The following ATAD3B variants were observed in gnomAD, a reference collection of about 807,000 sequenced individuals.
The protein encoded by ATAD3B is ATPase family AAA domain containing 3B, also known as ATPase family AAA domain-containing protein 3B.
A neutral mutation model predicts 70.2 loss-of-function variants in ATAD3B; 59 were observed. The observed-to-expected ratio is 0.84, with a 90% CI of 0.68 to 1.04. The LOEUF (loss-of-function observed/expected upper bound fraction) is 1.04, where lower values mean the gene tolerates loss of function less well. Among genes scored for constraint, ATAD3B ranks in the 50% least tolerant of loss-of-function variants. The probability of loss-of-function intolerance (pLI) is 0.00; values close to 1 mark genes in which losing one functional copy is unlikely to be tolerated. For synonymous variants in ATAD3B, 423 were observed against 388.6 expected (o/e 1.09, Z -1.04); for missense variants, 961 against 913.4 (o/e 1.05, Z -0.67).
At chr1:1,474,122 C>G (rs746148140) in intron 1 of ATAD3B, among the ~76,000 whole-genome samples, 1 of 152,040 alleles carries the variant, frequency 6.6e-6, no homozygotes, top group African/African-American at 2.4e-5. Flanking sequence ...TGGGTAAAAG[C>G]CGTCCAACCG....
intron 10 of ATAD3B, 94 bp downstream of exon 10, chr1:1,486,329 C>A (rs1359565756): frequency 1.3e-6 from 2 of 1,598,304 alleles, no homozygotes; most frequent in East Asian, 4.5e-5. Context: ...GGGAATGGAC[C>A]CCCCTTAGGC....
Position 1,496,201 on chromosome 1 carries a change from C to A in ATAD3B, c.*384C>A. ...ATCTAATAAAGTCCCACAGGTGCCT[C>A]ACCGCCGTGTCTCTCTATTGACTGA... On this transcript the variant is annotated 3_prime_UTR_variant, in exon 16 of 16. Coordinates refer to ENST00000673477, the MANE Select transcript of ATAD3B (RefSeq NM_031921.6). The A allele has an allele frequency of 1.3e-5, 13 of 1,017,576 alleles. No homozygotes were observed. Among genetic ancestry groups the A allele is most frequent in the Non-Finnish European group, 1.5e-5 (13 of 850,668 alleles). 63.0% of individuals were successfully genotyped at this position (1,017,576 alleles called of 1,614,324 possible).
downstream of ATAD3B, among the ~76,000 whole-genome samples, chr1:1,501,176 C>T (rs1175213295): frequency 6.6e-6 from 1 of 152,090 alleles, no homozygotes. Context: ...GCAACCTCCA[C>T]CTCCTGAGTT....
At position 1,490,605 on chromosome 1, in the gene ATAD3B, G is replaced by C. The variant is rs760231471; in HGVS notation, c.1548G>C (p.Ser516=). The C allele has an allele frequency of 1.2e-6, 2 of 1,609,018 alleles. No homozygotes were observed. The highest frequency in any genetic ancestry group is 1.7e-5 in the Admixed American group (1 of 59,024). ...AGTTTGACTACGGGAGGAAGTGCTC[G>C]GAGGTCGCTCGGCTGACGGAGGGCA... The part of the protein sequence containing the change: ...LAQFDYGRKC[S]EVARLTEGMS... The change falls in exon 15 of 16, where the codon TCG becomes TCC. Residue 516 remains serine (S), a synonymous_variant. Coordinates refer to ENST00000673477, the MANE Select transcript of ATAD3B (RefSeq NM_031921.6).
the ATAD3B span, among the ~76,000 whole-genome samples, chr1:1,504,849 A>G: frequency 1.3e-5 from 2 of 152,070 alleles, no homozygotes; most frequent in African/African-American, 4.8e-5. Flanking sequence ...GGTGTCCCTT[A>G]CAAGGATGCT....
chr1:1,482,204 G>C lies in ATAD3B; in HGVS notation c.581G>C (p.Arg194Pro), dbSNP rs750326992. 6.2e-7 allele frequency: 1 copy of C among 1,611,084 alleles called. No individual in the cohort carries two copies. The highest frequency in any genetic ancestry group is 8.5e-7 in the Non-Finnish European group (1 of 1,179,244). The change falls in exon 6 of 16, where the codon CGG (arginine) becomes CCG (proline). Residue 194 changes from arginine (R) to proline (P), a missense_variant. Around this residue, in one of 4 missense-constraint regions of ATAD3B, gnomAD observed 349 missense variants for 307.5 expected, o/e 1.14. Transcript: ENST00000673477. The stretch of plus-strand genomic sequence containing the variant: ...ATGCTGCGAGTGGAGACCGAGGCCC[G>C]GGCGCGCGCCAAGGCCGAGCGGGAG... ...NEMLRVETEA[R>P]ARAKAERENA...
chr1:1,476,295 T>C (rs192875572), intron 1 of ATAD3B, among the ~76,000 whole-genome samples: 2,494 of 147,600 alleles, frequency 0.017, 108 homozygotes, highest in African/African-American at 0.062. Context: ...ATGCAACGAG[T>C]GCTCCCCACG....
In ATAD3B at chr1:1,486,547, C is replaced by T. The variant is rs1640229272; in HGVS notation, c.1093C>T (p.Leu365Phe). The T allele has an allele frequency of 1.9e-6, 3 of 1,611,936 alleles. No homozygotes were observed. The highest frequency in any genetic ancestry group is 2.5e-6 in the Non-Finnish European group (3 of 1,179,472). Reference protein sequence around the residue: ...GTGKTLFAKKLALHSGMDYAI... With the variant: ...GTGKTLFAKKFALHSGMDYAI... The stretch of plus-strand genomic sequence containing the variant: ...TCCCCTCACTCTTCTTGTCCAGAAA[C>T]TCGCCCTGCACTCAGGCATGGACTA... Residue 365 changes from leucine to phenylalanine, a missense_variant, in exon 11 of 16, where the codon CTC (leucine) becomes TTC (phenylalanine). Physicochemically the swap from Leu to Phe is conservative, Grantham distance 22. Coordinates refer to ENST00000673477, the MANE Select transcript of ATAD3B (RefSeq NM_031921.6).
rs760904419 is a variant in ATAD3B at position 1,482,093 on chromosome 1, G to A, written c.515-45G>A. The A allele has an allele frequency of 1.8e-5, 29 of 1,586,876 alleles. 1 individual carries two copies. Among genetic ancestry groups the A allele is most frequent in the Admixed American group, 7.1e-5 (4 of 56,366 alleles). On this transcript the variant is annotated intron_variant, in intron 5 of 15. Transcript: ENST00000673477. ...GTCCACAGTGTGGGTGGAGGTGGAC[G>A]TGCTGCACTGCATGGTGCTGAGCTG...
intron 7 of ATAD3B, chr1:1,483,967 C>T (rs900734809): frequency 3.9e-5 from 6 of 152,036 alleles, no homozygotes; most frequent in African/African-American, 1.2e-4. Context: ...AGCAAGTGCC[C>T]ACTCAGTGCC....
rs1639332925 is a variant in ATAD3B, at chr1:1,471,772, C to T, written c.-113C>T. On this transcript the variant is annotated 5_prime_UTR_variant, in exon 1 of 16. Transcript: ENST00000673477. ...CGGGAGGAAGGGGTGTGTGTTTCGCCTGCGCAGTGGTCCTGGCCACCGGCT... is the reference window on the plus strand; with the variant it reads ...CGGGAGGAAGGGGTGTGTGTTTCGCTTGCGCAGTGGTCCTGGCCACCGGCT... The T allele has an allele frequency of 4.1e-6, 5 of 1,207,728 alleles. No individual in the cohort carries two copies. Among genetic ancestry groups the T allele is most frequent in the East Asian group, 3.4e-5 (1 of 29,472 alleles). 74.8% of individuals were successfully genotyped at this position (1,207,728 alleles called of 1,614,324 possible).
rs1381697575 is a variant in ATAD3B, at chr1:1,490,321, G to A, written c.1402G>A (p.Asp468Asn). The A allele has an allele frequency of 2.5e-6, 4 of 1,613,274 alleles. No individual in the cohort carries two copies. Among genetic ancestry groups the A allele is most frequent in the African/African-American group, 2.7e-5 (2 of 75,052 alleles). Residue 468 changes from aspartate to asparagine, a missense_variant, in exon 14 of 16, where the codon GAC (aspartate) becomes AAC (asparagine). Transcript: ENST00000673477. Reference sequence around the variant, plus strand: ...CGACTGTGCCATCAACAGCCGCATTGACGTGATGGTCCACTTCGACCTGCC... The same window carrying A: ...CGACTGTGCCATCAACAGCCGCATTAACGTGATGGTCCACTTCGACCTGCC... Reference protein sequence around the residue: ...QFDCAINSRIDVMVHFDLPQQ... With the variant: ...QFDCAINSRINVMVHFDLPQQ...
In ATAD3B at chr1:1,487,844, G is replaced by C. The variant is rs777949818; in HGVS notation, c.1215-19G>C. The C allele has an allele frequency of 2.7e-5, 43 of 1,612,220 alleles. 1 individual carries two copies. The highest frequency in any genetic ancestry group is 3.1e-5 in the Non-Finnish European group (37 of 1,179,072). On this transcript the variant is annotated intron_variant, in intron 11 of 15. Coordinates refer to ENST00000673477, the MANE Select transcript of ATAD3B (RefSeq NM_031921.6). ...CCTGGCGTCACTCTCGCCTTGCTTG[G>C]CCTCTCTCTCGTTCACAGCCTCCTG...
At chr1:1,500,471 G>C (rs1468876187), downstream of ATAD3B, among the ~76,000 whole-genome samples, 1 of 148,030 alleles carries the variant, frequency 6.8e-6, no homozygotes, top group Admixed American at 6.8e-5. Flanking sequence ...AGAATGGCGT[G>C]AACCCAGGAG....
downstream of ATAD3B, among the ~76,000 whole-genome samples, chr1:1,500,403 A>AT (rs1356478629): frequency 4.7e-5 from 7 of 147,470 alleles, no homozygotes; most frequent in South Asian, 4.3e-4. Context: ...ATACAAAAAA[A>AT]TAGCCGGGCG....
Position 1,482,547 on chromosome 1 carries a change from C to A in ATAD3B, c.683C>A (p.Thr228Lys). The change falls in exon 7 of 16, where the codon ACG (threonine) becomes AAG (lysine). Residue 228 changes from threonine (T) to lysine (K), a missense_variant and splice_region_variant. Thr to Lys is a moderately conservative substitution (Grantham distance 78, BLOSUM62 -1). Coordinates refer to ENST00000673477, the MANE Select transcript of ATAD3B (RefSeq NM_031921.6). ...HRQTVLESIR[T>K]AGTLFGEGFR... ...TCACACCACTGCTTTCCCCGCAGGACGGCTGGCACCTTGTTTGGGGAAGGA... is the reference window on the plus strand; with the variant it reads ...TCACACCACTGCTTTCCCCGCAGGAAGGCTGGCACCTTGTTTGGGGAAGGA... The A allele has an allele frequency of 6.2e-7, 1 of 1,613,368 alleles. No individual in the cohort carries two copies. Among genetic ancestry groups the A allele is most frequent in the Non-Finnish European group, 8.5e-7 (1 of 1,179,548 alleles).
chr1:1,485,635 G>A (rs1188866713), intron 8 of ATAD3B, 147 bp from the exon 9 acceptor site: 103 of 1,327,746 alleles, frequency 7.8e-5, no homozygotes, highest in Non-Finnish European at 1.0e-4. Flanking sequence ...TGGTCTCCCG[G>A]CGGGGCAGGG....
intron 7 of ATAD3B, 149 bp downstream of exon 7, chr1:1,482,763 G>C: frequency 5.4e-6 from 7 of 1,305,136 alleles, no homozygotes; most frequent in Non-Finnish European, 7.5e-6. Flanking sequence ...TGCTGGGCTC[G>C]GCTGCTCCTC....
Position 1,490,270 on chromosome 1 carries a change from C to T in ATAD3B, c.1351C>T (p.Leu451=). 6.2e-7 allele frequency: 1 copy of T among 1,612,760 alleles called. No homozygotes were observed. The highest frequency in any genetic ancestry group is 8.5e-7 in the Non-Finnish European group (1 of 1,179,458). The change falls in exon 14 of 16, where the codon CTG becomes TTG. Residue 451 remains leucine (L), a synonymous_variant. Coordinates refer to ENST00000673477, the MANE Select transcript of ATAD3B (RefSeq NM_031921.6). ...CCTGTCCTACAGATTCATGCTGGTC[C>T]TGGCCAGCAATCTGCCTGAGCAGTT... ...GQHSNKFMLV[L]ASNLPEQFDC... is the part of the protein sequence containing the mutation.
Sources: gnomAD v4.1 joint callset for allele counts (sites outside exome capture counted in the v4.1 genomes callset) on GRCh38, gnomAD v4.1.1 for gene constraint, gnomAD v4.1.1 regional missense constraint, MANE v1.5 for transcripts, NCBI Gene and HGNC (gene_info 2026-07-23, HGNC 2026-07-21) for gene names.